ARHGAP40: variants seen among roughly 807,000 people sequenced by gnomAD.
ARHGAP40 encodes the protein rho GTPase-activating protein 40.
ARHGAP40 carries 43 observed loss-of-function variants against 73.5 expected under a neutral mutation model. That is an observed-to-expected ratio of 0.58 (90% CI 0.46 to 0.75). The LOEUF (loss-of-function observed/expected upper bound fraction) is 0.75, where lower values mean the gene tolerates loss of function less well. Among genes scored for constraint, ARHGAP40 ranks in the 30% least tolerant of loss-of-function variants. ARHGAP40 has a pLI of 0.00. For missense variants in ARHGAP40, 734 were observed against 861.8 expected (o/e 0.85, Z 1.86); for synonymous variants, 300 against 352.8 (o/e 0.85, Z 1.68).
At chr20:38,624,071 C>T (rs1339140598) in intron 2 of ARHGAP40, among the ~76,000 whole-genome samples, 1 of 152,168 alleles carries the variant, frequency 6.6e-6, no homozygotes, top group African/African-American at 2.4e-5. Flanking sequence ...TATTACTATA[C>T]CTCACTGTTG....
chr20:38,609,409 G>C (rs540263330), intron 1 of ARHGAP40, among the ~76,000 whole-genome samples: 1 of 152,276 alleles, frequency 6.6e-6, no homozygotes, highest in East Asian at 1.9e-4. Context: ...GATACTGAAG[G>C]TCTGGGGCCC....
At chr20:38,628,803 C>T in intron 3 of ARHGAP40, 124 bp from the exon 4 acceptor site, 2 of 624,714 alleles carry the variant, frequency 3.2e-6, no homozygotes, top group African/African-American at 4.0e-5. Flanking sequence ...AGTAACTCAG[C>T]CTCTCTGGGC....
At chr20:38,649,382 A>G (rs1462146999) in intron 14 of ARHGAP40, among the ~76,000 whole-genome samples, 1 of 152,126 alleles carries the variant, frequency 6.6e-6, no homozygotes, top group Non-Finnish European at 1.5e-5. Flanking sequence ...CAAGGGACAG[A>G]GTGAAGGAGG....
rs1368897673 is a variant in ARHGAP40 at position 38,603,146 on chromosome 20, A to G, written c.137+1067A>G. Among the ~76,000 whole-genome samples, 3 of 152,234 alleles carry G rather than the reference A, an allele frequency of 2.0e-5. No individual in the cohort carries two copies. The East Asian group carries it at 5.8e-4, about 29-fold the overall frequency. ...TTTGCCACCCAAGGACCTGAAGACT[A>G]GACGTGGTCTGTACTCAGAAAGCAG... is the stretch of plus-strand genomic sequence containing the variant. On this transcript the variant is annotated intron_variant, in intron 1 of 14. Coordinates refer to ENST00000373345, the Ensembl canonical transcript of ARHGAP40.
chr20:38,629,545 A>C (rs951170699), exon 5 of ARHGAP40: 18 of 1,305,296 alleles, frequency 1.4e-5, no homozygotes, highest in Non-Finnish European at 1.8e-5. Context: ...GGAGGGAAGA[A>C]GCCTTCAACA....
chr20:38,611,352 A>T (rs2088803688), intron 1 of ARHGAP40, among the ~76,000 whole-genome samples: 1 of 150,346 alleles, frequency 6.7e-6, no homozygotes, highest in Non-Finnish European at 1.5e-5. Flanking sequence ...GATCTGTTCA[A>T]TTGGCTGGGG....
chr20:38,636,400 C>T (rs574325545), intron 6 of ARHGAP40, among the ~76,000 whole-genome samples: 36 of 152,014 alleles, frequency 2.4e-4, no homozygotes, highest in African/African-American at 7.0e-4. Context: ...GTAGCTTGGA[C>T]TGCAGGTATG....
At chr20:38,601,990 CCCAGGG>C (rs1372980504) in exon 1 of ARHGAP40, 1 of 1,287,810 alleles carries the variant, frequency 7.8e-7, no homozygotes, top group African/African-American at 1.5e-5. Context: ...AGAGGCTGGC[CCCAGGG>C]CCCCTAGCCT....
chr20:38,627,389 G>GGT (rs750278323), intron 3 of ARHGAP40, among the ~76,000 whole-genome samples, 174 bp downstream of exon 3: 6 of 116,654 alleles, frequency 5.1e-5, no homozygotes, highest in Non-Finnish European at 9.6e-5. Flanking sequence ...TGTGTGTTGG[G>GGT]GTGTGTGTGT....
rs546581642 is a variant in ARHGAP40, at chr20:38,602,198, A to G, written c.137+119A>G. ...TCTTCCTCCATCGTACAGATGAGGAAACAGAGGCTTGGAGAGCCCGGTCAC... is the reference window on the plus strand; with the variant it reads ...TCTTCCTCCATCGTACAGATGAGGAGACAGAGGCTTGGAGAGCCCGGTCAC... On this transcript the variant is annotated intron_variant, in intron 1 of 14. Coordinates refer to ENST00000373345, the Ensembl canonical transcript of ARHGAP40. The G allele has an allele frequency of 9.0e-5, 105 of 1,160,742 alleles. No homozygotes were observed. In the South Asian group the frequency reaches 1.5e-3, roughly 17 times the overall value. 71.9% of individuals were successfully genotyped at this position (1,160,742 alleles called of 1,614,324 possible).
rs112488133 is a variant in ARHGAP40, at chr20:38,615,286, C to T, written c.138-8073C>T. ...CCAACTTTTCTATGTTCATCCACTC[C>T]GGAGGGAGCAGTCGACATTTCTGCT... On this transcript the variant is annotated intron_variant, in intron 1 of 14. Transcript: ENST00000373345. The T allele has an allele frequency of 1.6e-3, 1,244 of 771,930 alleles. 10 individuals are homozygous for T. Among genetic ancestry groups the T allele is most frequent in the African/African-American group, 0.016 (914 of 58,926 alleles). 47.8% of individuals were successfully genotyped at this position (771,930 alleles called of 1,614,324 possible).
intron 1 of ARHGAP40, among the ~76,000 whole-genome samples, chr20:38,616,423 T>C (rs1308932856): frequency 6.6e-6 from 1 of 152,164 alleles, no homozygotes; most frequent in Non-Finnish European, 1.5e-5. Flanking sequence ...GCTCAGCTGA[T>C]CAGAGGCAGA....
At chr20:38,617,687 T>TC (rs113727732) in intron 1 of ARHGAP40, among the ~76,000 whole-genome samples, 5,368 of 152,292 alleles carry the variant, frequency 0.035, 303 homozygotes, top group African/African-American at 0.12. Flanking sequence ...ATATATTTCT[T>TC]CATGCTCTGT....
At chr20:38,635,099 C>G (rs573578991) in intron 6 of ARHGAP40, among the ~76,000 whole-genome samples, 37 of 152,190 alleles carry the variant, frequency 2.4e-4, no homozygotes, top group Non-Finnish European at 8.8e-5. Context: ...CCAGGATGGT[C>G]TTGGTCTCTT....
intron 3 of ARHGAP40, among the ~76,000 whole-genome samples, chr20:38,627,594 G>GGTGTGTGTTGGTGT (rs1555791914): frequency 7.9e-6 from 1 of 127,146 alleles, no homozygotes; most frequent in Non-Finnish European, 1.7e-5. Flanking sequence ...TGTGTGTTGG[G>GGTGTGTGTTGGTGT]GTGTGCGTTG....
At chr20:38,641,761 C>A in exon 10 of ARHGAP40, 1 of 1,296,116 alleles carries the variant, frequency 7.7e-7, no homozygotes, top group Non-Finnish European at 1.0e-6. Context: ...GCAGGTTCTT[C>A]ACCTGCTCAT....
intron 5 of ARHGAP40, among the ~76,000 whole-genome samples, chr20:38,632,512 C>T (rs1342676890): frequency 6.6e-6 from 1 of 151,942 alleles, no homozygotes; most frequent in African/African-American, 2.4e-5. Context: ...CCGCCAGCCT[C>T]GGCCTCCCAA....
At chr20:38,628,088 G>A (rs1414288586) in intron 3 of ARHGAP40, among the ~76,000 whole-genome samples, 3 of 152,222 alleles carry the variant, frequency 2.0e-5, no homozygotes, top group African/African-American at 7.2e-5. Flanking sequence ...TAGGCTGTGT[G>A]TCCAGAGCAA....
chr20:38,637,493 A>G (rs571797826), intron 6 of ARHGAP40, among the ~76,000 whole-genome samples: 1 of 152,188 alleles, frequency 6.6e-6, no homozygotes, highest in Non-Finnish European at 1.5e-5. Flanking sequence ...GCTCTGAGAC[A>G]TATCTCCTCA....
Sources: gnomAD v4.1 joint callset for allele counts (sites outside exome capture counted in the v4.1 genomes callset) on GRCh38, gnomAD v4.1.1 for gene constraint, MANE v1.5 for transcripts, NCBI Gene and HGNC (gene_info 2026-07-23, HGNC 2026-07-21) for gene names.